Variants in SPATA13 observed in about 807,000 individuals in gnomAD.
The protein encoded by SPATA13 is spermatogenesis-associated protein 13.
SPATA13 carries 50 observed loss-of-function variants against 104.0 expected under a neutral mutation model. That is an observed-to-expected ratio of 0.48 (90% CI 0.38 to 0.61). The LOEUF (loss-of-function observed/expected upper bound fraction) is 0.61, where lower values mean the gene tolerates loss of function less well. Among genes scored for constraint, SPATA13 ranks in the 20% least tolerant of loss-of-function variants. The pLI is 0.00. For synonymous variants in SPATA13, 606 were observed against 667.5 expected (o/e 0.91, Z 1.42); for missense variants, 1,524 against 1,690.6 (o/e 0.90, Z 1.73).
chr13:24,237,412 G>C (rs981674206), intron 2 of SPATA13, among the ~76,000 whole-genome samples: 1 of 152,088 alleles, frequency 6.6e-6, no homozygotes, highest in Non-Finnish European at 1.5e-5. Flanking sequence ...TGAACCTTGA[G>C]GACATTGTGC....
intron 1 of SPATA13, among the ~76,000 whole-genome samples, chr13:24,201,010 A>G (rs1870366982): frequency 6.9e-6 from 1 of 144,584 alleles, no homozygotes; most frequent in African/African-American, 2.5e-5. Context: ...GCTCATGTGA[A>G]TTTTAAATTC....
chr13:24,135,882 G>A (rs1412268970), intron 3 of SPATA13, among the ~76,000 whole-genome samples: 1 of 152,116 alleles, frequency 6.6e-6, no homozygotes, highest in Non-Finnish European at 1.5e-5. Flanking sequence ...CCCGACCTGA[G>A]GCAGGCATAT....
At chr13:24,301,067 G>A (rs781656223) in intron 12 of SPATA13, among the ~76,000 whole-genome samples, 62 of 152,098 alleles carry the variant, frequency 4.1e-4, no homozygotes, top group Non-Finnish European at 7.4e-4. Flanking sequence ...GCATACCCAG[G>A]GGCTCTGATG....
intron 1 of SPATA13, among the ~76,000 whole-genome samples, chr13:24,201,640 C>T (rs1424009468): frequency 6.6e-6 from 1 of 152,138 alleles, no homozygotes; most frequent in Non-Finnish European, 1.5e-5. Flanking sequence ...AGGGTTTCAC[C>T]ATGTTGGCCA....
rs117756516 is a variant in SPATA13, at chr13:24,099,703, G to A, written c.-112+82002G>A. Among the ~76,000 whole-genome samples, 497 of 152,330 alleles carry A rather than the reference G, an allele frequency of 3.3e-3. 14 individuals are homozygous for A. In the East Asian group the frequency reaches 0.063, roughly 19 times the overall value. On this transcript the variant is annotated intron_variant, in intron 3 of 14. Transcript: ENST00000424834. ...CTTACAGGAAGCACAGAGGATGAGCGCCATGTGATCAGTGTCATGAATATG... is the reference window on the plus strand; with the variant it reads ...CTTACAGGAAGCACAGAGGATGAGCACCATGTGATCAGTGTCATGAATATG...
At chr13:24,129,806 A>G (rs1271304302) in intron 3 of SPATA13, among the ~76,000 whole-genome samples, 1 of 152,228 alleles carries the variant, frequency 6.6e-6, no homozygotes, top group Non-Finnish European at 1.5e-5. Context: ...CAGTCCCTGT[A>G]TGGTGAGTGC....
At chr13:24,239,703 A>AT (rs1170862925) in intron 2 of SPATA13, among the ~76,000 whole-genome samples, 6 of 142,648 alleles carry the variant, frequency 4.2e-5, no homozygotes, top group Non-Finnish European at 8.9e-5. Context: ...TAAAAAAAAA[A>AT]AAAAAAAAAA....
In SPATA13 at chr13:24,113,338, C is replaced by T. The variant is rs188318018; in HGVS notation, c.-112+95637C>T. Reference sequence around the variant, plus strand: ...ACTTCTGGGACCAGGTGCAGTGGCTCACGCTTGTAATCCCAGCACTTTGGG... The same window carrying T: ...ACTTCTGGGACCAGGTGCAGTGGCTTACGCTTGTAATCCCAGCACTTTGGG... On this transcript the variant is annotated intron_variant, in intron 3 of 14. Coordinates refer to the SPATA13 transcript ENST00000424834. Among the ~76,000 whole-genome samples the T allele has an allele frequency of 5.1e-3, 770 of 152,292 alleles. 7 individuals are homozygous for T. Among genetic ancestry groups the T allele is most frequent in the African/African-American group, 0.018 (738 of 41,548 alleles).
chr13:24,147,743 ATTAACTCCCCGTT>A (rs1881978544), intron 3 of SPATA13, among the ~76,000 whole-genome samples: 1 of 149,850 alleles, frequency 6.7e-6, no homozygotes, highest in South Asian at 2.1e-4. Context: ...CCCATTAAAC[ATTAACTCCCCGTT>A]CCCTCCACAC....
At position 24,189,576 on chromosome 13, in the gene SPATA13, CTATG is replaced by C. The variant is rs1479899376; in HGVS notation, c.-112+28651_-112+28654del. Among the ~76,000 whole-genome samples the C allele has an allele frequency of 1.2e-4, 15 of 121,808 alleles. 2 individuals carry two copies. In the East Asian group the frequency reaches 1.6e-3, roughly 13 times the overall value. 79.9% of individuals were successfully genotyped at this position (121,808 alleles called of 152,430 possible). ...TAGTATATTTAATATTACATACATA[CTATG>C]TATGTAATACAAATATAAATATAAA... On this transcript the variant is annotated intron_variant, in intron 1 of 12. Coordinates refer to ENST00000382108, the MANE Select transcript of SPATA13 (RefSeq NM_001166271.3).
In SPATA13 at chr13:24,115,064, T is replaced by G. The variant is rs181504471; in HGVS notation, c.-112+97363T>G. ...AGGGGAGGAGACAAGGTTTCTTGTT[T>G]GCCGTATATGCTCCTGCAGAGAAGA... is the stretch of plus-strand genomic sequence containing the variant. On this transcript the variant is annotated intron_variant, in intron 3 of 14. Coordinates refer to the SPATA13 transcript ENST00000424834. Among the ~76,000 whole-genome samples the G allele has an allele frequency of 2.6e-5, 4 of 152,316 alleles. No individual in the cohort carries two copies. The East Asian group carries it at 7.7e-4, about 29-fold the overall frequency.
At chr13:24,053,282 A>G (rs978627745) in intron 3 of SPATA13, among the ~76,000 whole-genome samples, 3 of 152,172 alleles carry the variant, frequency 2.0e-5, no homozygotes, top group Admixed American at 1.3e-4. Flanking sequence ...GTGATCCACA[A>G]AGGAATGTGT....
chr13:24,084,099 AAGAG>A (rs1292251810), intron 3 of SPATA13, among the ~76,000 whole-genome samples: 2 of 131,052 alleles, frequency 1.5e-5, no homozygotes, highest in Non-Finnish European at 3.2e-5. Context: ...AAGGGGGAGA[AAGAG>A]AGAGCCGTGA....
intron 3 of SPATA13, among the ~76,000 whole-genome samples, chr13:24,025,329 T>C (rs1215510924): frequency 6.6e-6 from 1 of 152,128 alleles, no homozygotes; most frequent in Non-Finnish European, 1.5e-5. Context: ...TCTGTGTACT[T>C]ATATACCAAA....
intron 3 of SPATA13, among the ~76,000 whole-genome samples, chr13:24,116,871 C>A (rs1466533135): frequency 6.6e-6 from 1 of 151,594 alleles, no homozygotes; most frequent in Non-Finnish European, 1.5e-5. Flanking sequence ...GGCATTAATG[C>A]CATCAGGTGA....
chr13:24,112,872 C>A (rs1880692364), intron 3 of SPATA13, among the ~76,000 whole-genome samples: 1 of 152,210 alleles, frequency 6.6e-6, no homozygotes, highest in Non-Finnish European at 1.5e-5. Flanking sequence ...ATTTCCATTG[C>A]TCTGTTGCTA....
intron 3 of SPATA13, among the ~76,000 whole-genome samples, chr13:24,021,320 A>G (rs369188011): frequency 3.1e-4 from 47 of 152,318 alleles, no homozygotes; most frequent in African/African-American, 1.1e-3. Context: ...TAGCTTGCAT[A>G]AAGATGATTA....
chr13:24,146,994 C>T (rs943336802), intron 3 of SPATA13, among the ~76,000 whole-genome samples: 8 of 151,770 alleles, frequency 5.3e-5, no homozygotes, highest in African/African-American at 1.5e-4. Context: ...AACATCTTGG[C>T]GAGTCTTGAA....
At chr13:24,021,804 C>T (rs1405054570) in intron 3 of SPATA13, among the ~76,000 whole-genome samples, 4 of 152,068 alleles carry the variant, frequency 2.6e-5, no homozygotes, top group Middle Eastern at 3.4e-3. Context: ...CTCCACCTCC[C>T]GGGTTCACAC....
Sources: gnomAD v4.1 joint callset for allele counts (sites outside exome capture counted in the v4.1 genomes callset) on GRCh38, gnomAD v4.1.1 for gene constraint, MANE v1.5 for transcripts, NCBI Gene and HGNC (gene_info 2026-07-23, HGNC 2026-07-21) for gene names.